Variants in OSTC observed in about 807,000 individuals in gnomAD.
OSTC encodes oligosaccharyltransferase complex subunit OSTC.
OSTC carries 16 observed loss-of-function variants against 16.4 expected under a neutral mutation model. The observed-to-expected ratio is 0.98, with a 90% CI of 0.66 to 1.49. OSTC has a LOEUF of 1.49. Ranked by LOEUF, OSTC falls within the 40% of genes most tolerant of loss-of-function variation. OSTC has a pLI of 0.00. For missense variants in OSTC, 139 were observed against 186.3 expected (o/e 0.75, Z 1.48); for synonymous variants, 67 against 68.5 (o/e 0.98, Z 0.11).
At chr4:108,657,386 A>G in intron 2 of OSTC, 64 bp from the exon 3 acceptor site, 5 of 1,432,294 alleles carry the variant, frequency 3.5e-6, no homozygotes, top group Non-Finnish European at 4.8e-6. Context: ...CGGAAATAGG[A>G]ATTTCAATTT....
At position 108,667,335 on chromosome 4, in the gene OSTC, A is replaced by G. The variant is rs772079422; in HGVS notation, c.*70A>G. The stretch of plus-strand genomic sequence containing the variant: ...CAATGAAGTTTTAAAGGCTGTACCA[A>G]TCCTCTAATATGAAATGTGGAAAAG... On this transcript the variant is annotated 3_prime_UTR_variant, in exon 4 of 4. Coordinates refer to ENST00000361564, the MANE Select transcript of OSTC (RefSeq NM_021227.4). 1.9e-5 allele frequency: 23 copies of G among 1,233,732 alleles called. No homozygotes were observed. Among genetic ancestry groups the G allele is most frequent in the Admixed American group, 1.7e-4 (8 of 47,528 alleles). 76.4% of individuals were successfully genotyped at this position (1,233,732 alleles called of 1,614,324 possible). A position where few individuals can be genotyped will look rare whatever the true frequency, so the allele number is the denominator to read the frequency against.
chr4:108,667,442 T>C lies in OSTC; in HGVS notation c.*177T>C, dbSNP rs562332640. ...CTTGGACTAGAATTTCTTCTTGGTA[T>C]TAAAGAGACAAGTTTATCACAGAAT... is the stretch of plus-strand genomic sequence containing the variant. On this transcript the variant is annotated 3_prime_UTR_variant, in exon 4 of 4. Coordinates refer to ENST00000361564, the MANE Select transcript of OSTC (RefSeq NM_021227.4). 26 of 489,670 alleles carry C rather than the reference T, an allele frequency of 5.3e-5. No homozygotes were observed. The highest frequency in any genetic ancestry group is 8.9e-5 in the Non-Finnish European group (25 of 282,360). 30.3% of individuals were successfully genotyped at this position (489,670 alleles called of 1,614,324 possible). A position where few individuals can be genotyped will look rare whatever the true frequency, so the allele number is the denominator to read the frequency against.
chr4:108,660,702 C>T (rs1251678556), intron 3 of OSTC, among the ~76,000 whole-genome samples: 1 of 152,130 alleles, frequency 6.6e-6, no homozygotes, highest in Non-Finnish European at 1.5e-5. Flanking sequence ...TCATAAGATG[C>T]ACCATGATAA....
chr4:108,659,153 T>G lies in OSTC; in HGVS notation c.431+1506T>G, dbSNP rs189699049. Among the ~76,000 whole-genome samples, 299 of 43,420 alleles carry G rather than the reference T, an allele frequency of 6.9e-3. 1 individual carries two copies. The highest frequency in any genetic ancestry group is 0.013 in the Middle Eastern group (1 of 78). 28.5% of individuals were successfully genotyped at this position (43,420 alleles called of 152,430 possible). ...GCCACCACACCCAGCTAATTTTTTT[T>G]GTATTTTTAGTAGAGACAAGTTTTC... On this transcript the variant is annotated intron_variant, in intron 3 of 3. Coordinates refer to ENST00000361564, the MANE Select transcript of OSTC (RefSeq NM_021227.4).
intron 1 of OSTC, 83 bp downstream of exon 1, chr4:108,650,877 A>G: frequency 6.3e-7 from 1 of 1,588,660 alleles, no homozygotes; most frequent in East Asian, 2.2e-5. Context: ...GCTGACTCTC[A>G]GCCCCGGGGG....
chr4:108,665,035 A>T (rs1394323637), intron 3 of OSTC, among the ~76,000 whole-genome samples: 1 of 152,096 alleles, frequency 6.6e-6, no homozygotes, highest in African/African-American at 2.4e-5. Context: ...CAGAAAGAAG[A>T]GTGTGTGAGT....
chr4:108,654,015 A>G (rs1181847856), intron 1 of OSTC, among the ~76,000 whole-genome samples: 2 of 152,218 alleles, frequency 1.3e-5, no homozygotes, highest in Non-Finnish European at 2.9e-5. Context: ...TTATAAAAGA[A>G]GAGGCCCAAT....
chr4:108,651,794 A>G (rs1726557824), intron 1 of OSTC, among the ~76,000 whole-genome samples: 1 of 152,188 alleles, frequency 6.6e-6, no homozygotes, highest in Non-Finnish European at 1.5e-5. Flanking sequence ...GTGGCCATAT[A>G]ATTGTTATTT....
chr4:108,661,032 C>T (rs1008035435), intron 3 of OSTC, among the ~76,000 whole-genome samples: 2 of 151,794 alleles, frequency 1.3e-5, no homozygotes, highest in African/African-American at 4.8e-5. Context: ...GCCTGGTCAA[C>T]GTGGTGAAAA....
At chr4:108,654,803 A>C (rs1001808894) in intron 1 of OSTC, among the ~76,000 whole-genome samples, 6 of 152,256 alleles carry the variant, frequency 3.9e-5, no homozygotes, top group African/African-American at 9.6e-5. Context: ...GTTAATGATT[A>C]TGAATCTCTA....
intron 3 of OSTC, among the ~76,000 whole-genome samples, chr4:108,663,902 C>A (rs141585835): frequency 1.9e-3 from 296 of 152,142 alleles, no homozygotes; most frequent in African/African-American, 6.9e-3. Flanking sequence ...TTTTTGAGTT[C>A]TTGATTTACT....
chr4:108,654,837 G>A (rs950559626), intron 1 of OSTC, among the ~76,000 whole-genome samples: 3 of 152,194 alleles, frequency 2.0e-5, no homozygotes, highest in African/African-American at 4.8e-5. Context: ...GCCTGATGGC[G>A]TGGTTTTAAA....
chr4:108,660,191 T>C (rs1303928993), intron 3 of OSTC, among the ~76,000 whole-genome samples: 1 of 152,254 alleles, frequency 6.6e-6, no homozygotes, highest in African/African-American at 2.4e-5. Flanking sequence ...GGGTATACTT[T>C]CTGGGTTTCG....
intron 3 of OSTC, among the ~76,000 whole-genome samples, chr4:108,665,705 G>A (rs7660623): frequency 0.81 from 122,542 of 151,602 alleles, 49,823 homozygotes; most frequent in East Asian, 1. Context: ...GATTACAGGC[G>A]TCTGTCACCA....
At chr4:108,651,816 T>G (rs1373833199) in intron 1 of OSTC, among the ~76,000 whole-genome samples, 10 of 152,180 alleles carry the variant, frequency 6.6e-5, no homozygotes, top group African/African-American at 2.4e-4. Context: ...CATAGATGTT[T>G]TGTGAGAATA....
chr4:108,651,754 G>GA (rs1292036397), intron 1 of OSTC, among the ~76,000 whole-genome samples: 2 of 152,156 alleles, frequency 1.3e-5, no homozygotes, highest in Non-Finnish European at 2.9e-5. Context: ...ACGGATTTGG[G>GA]ATAGCAAAAG....
At position 108,650,669 on chromosome 4, in the gene OSTC, A is replaced by G. The variant is rs915615061; in HGVS notation, c.14A>G (p.Tyr5Cys). 6 of 1,614,072 alleles carry G rather than the reference A, an allele frequency of 3.7e-6. No individual in the cohort carries two copies. Among genetic ancestry groups the G allele is most frequent in the African/African-American group, 2.7e-5 (2 of 75,022 alleles). ...GCTGCCACCAACATGGAGACTTTGT[A>G]CCGTGTCCCGTTCTTAGTGCTCGAA... METL[Y>C]RVPFLVLECP... is the part of the protein sequence containing the mutation. Residue 5 changes from tyrosine (Y) to cysteine (C), a missense_variant, in exon 1 of 4, where the codon TAC becomes TGC. Transcript: ENST00000361564.
rs1360126197 is a variant in OSTC at position 108,650,814 on chromosome 4, C to G, written c.139+20C>G. On this transcript the variant is annotated intron_variant, in intron 1 of 3. Coordinates refer to ENST00000361564, the MANE Select transcript of OSTC (RefSeq NM_021227.4). Reference sequence around the variant, plus strand: ...CCGGAGGTAACTCGGGCTGTCGGGCCCGAGAGGCTGAGGAGCGGAGAACTG... The same window carrying G: ...CCGGAGGTAACTCGGGCTGTCGGGCGCGAGAGGCTGAGGAGCGGAGAACTG... 1 of 1,614,018 alleles carries G rather than the reference C, an allele frequency of 6.2e-7. No individual in the cohort carries two copies. The highest frequency in any genetic ancestry group is 8.5e-7 in the Non-Finnish European group (1 of 1,179,962).
chr4:108,656,113 T>C (rs1486941389), intron 2 of OSTC, among the ~76,000 whole-genome samples: 1 of 152,192 alleles, frequency 6.6e-6, no homozygotes, highest in Non-Finnish European at 1.5e-5. Flanking sequence ...GAAAATATTT[T>C]TGGACTATAC....
Sources: allele counts gnomAD v4.1 joint callset (sites outside exome capture counted in the v4.1 genomes callset), GRCh38; gene constraint gnomAD v4.1.1; transcripts MANE v1.5; gene names NCBI Gene and HGNC (gene_info 2026-07-23, HGNC 2026-07-21).